The following NMT2 variants were observed in gnomAD, a reference collection of about 807,000 sequenced individuals.
NMT2 encodes the protein N-myristoyltransferase 2, also known as glycylpeptide N-tetradecanoyltransferase 2.
Under a neutral mutation model 65.4 loss-of-function variants are expected in NMT2, and 35 were observed. The ratio of observed to expected loss-of-function variants is 0.54; its 90% CI spans 0.41 to 0.71. The LOEUF is 0.71. Ranked by LOEUF, NMT2 falls within the 30% of genes least tolerant of loss-of-function variation. NMT2 has a pLI of 0.00. For synonymous variants in NMT2, 226 were observed against 231.8 expected (o/e 0.98, Z 0.23); for missense variants, 489 against 611.3 (o/e 0.80, Z 2.11).
intron 8 of NMT2, among the ~76,000 whole-genome samples, chr10:15,124,381 A>G (rs542185088): frequency 3.3e-5 from 5 of 152,232 alleles, no homozygotes; most frequent in Admixed American, 6.5e-5. Flanking sequence ...GAGCAAGTCA[A>G]TCTGTGTTCT....
At chr10:15,131,302 C>T (rs1200093290) in intron 6 of NMT2, among the ~76,000 whole-genome samples, 1 of 150,528 alleles carries the variant, frequency 6.6e-6, no homozygotes, top group African/African-American at 2.4e-5. Context: ...TGGCTCTTTA[C>T]GTTTCTTTCC....
intron 6 of NMT2, among the ~76,000 whole-genome samples, chr10:15,132,558 G>A (rs1038395759): frequency 6.6e-6 from 1 of 152,030 alleles, no homozygotes; most frequent in Non-Finnish European, 1.5e-5. Context: ...CTCCTGAGTA[G>A]GTGGGATTAC....
intron 9 of NMT2, among the ~76,000 whole-genome samples, chr10:15,115,358 GGT>G (rs1424328082): frequency 6.6e-6 from 1 of 152,028 alleles, no homozygotes; most frequent in Non-Finnish European, 1.5e-5. Flanking sequence ...ATAAAAGTAA[GGT>G]GACTCAAAGT....
In NMT2 at chr10:15,129,428, T is replaced by C. The variant is rs577884277; in HGVS notation, c.890+714A>G. ...TCTCACTGGAATAACCTGTGAAAGC[T>C]TGACTAGTGCAGACGAAGTTGTAAA... On this transcript the variant is annotated intron_variant, in intron 7 of 11. Coordinates refer to ENST00000378165, the MANE Select transcript of NMT2 (RefSeq NM_004808.3). Among the ~76,000 whole-genome samples the C allele has an allele frequency of 5.8e-4, 88 of 152,354 alleles. No individual in the cohort carries two copies. In the Middle Eastern group the frequency reaches 0.01, roughly 18 times the overall value.
At chr10:15,121,667 A>C (rs1201794835) in intron 8 of NMT2, among the ~76,000 whole-genome samples, 1 of 152,110 alleles carries the variant, frequency 6.6e-6, no homozygotes, top group East Asian at 1.9e-4. Context: ...ACACTAGGCC[A>C]AGGAAAATAG....
chr10:15,106,348 G>T lies in NMT2; in HGVS notation c.*2847C>A. Reference sequence around the variant, plus strand: ...TGTATAGACTTTGTGGCATGAAAATGAGTGGGAAGTAAAGTCCTAAATTAG... The same window carrying T: ...TGTATAGACTTTGTGGCATGAAAATTAGTGGGAAGTAAAGTCCTAAATTAG... On this transcript the variant is annotated 3_prime_UTR_variant, in exon 12 of 12. Transcript: ENST00000378165. 6.5e-6 allele frequency: 1 copy of T among 153,142 alleles called. No individual in the cohort carries two copies. Among genetic ancestry groups the T allele is most frequent in the South Asian group, 2.0e-4 (1 of 5,118 alleles). The allele number at this position is 153,142 out of a possible 1,614,324, so 9.5% of individuals were successfully genotyped here. A position where few individuals can be genotyped will look rare whatever the true frequency, so the allele number is the denominator to read the frequency against.
At chr10:15,155,916 C>A (rs536020387) in intron 1 of NMT2, among the ~76,000 whole-genome samples, 1 of 141,148 alleles carries the variant, frequency 7.1e-6, no homozygotes, top group East Asian at 2.5e-4. Context: ...GACCTGCAGG[C>A]GGGGACGCTG....
intron 1 of NMT2, among the ~76,000 whole-genome samples, chr10:15,150,494 G>A (rs896006329): frequency 3.9e-5 from 6 of 152,088 alleles, no homozygotes; most frequent in Admixed American, 3.3e-4. Context: ...TCTAAAGTAG[G>A]ATTTCAGCTC....
Position 15,168,667 on chromosome 10 carries a change from G to C in NMT2, c.-55C>G. ...TCGGGGCCGGGCCGGAGCGGCCGCA[G>C]CTCCCTCTAGTGCCTCCCGCCGTAC... is the stretch of plus-strand genomic sequence containing the variant. On this transcript the variant is annotated 5_prime_UTR_variant, in exon 1 of 12. Coordinates refer to ENST00000378165, the MANE Select transcript of NMT2 (RefSeq NM_004808.3). 1 of 1,379,692 alleles carries C rather than the reference G, an allele frequency of 7.2e-7. No individual in the cohort carries two copies. The highest frequency in any genetic ancestry group is 9.9e-7 in the Non-Finnish European group (1 of 1,012,130). The allele number at this position is 1,379,692 out of a possible 1,614,324, so 85.5% of individuals were successfully genotyped here.
At chr10:15,112,204 A>G (rs1353926800) in intron 10 of NMT2, among the ~76,000 whole-genome samples, 3 of 17,954 alleles carry the variant, frequency 1.7e-4, no homozygotes, top group African/African-American at 9.9e-4. Flanking sequence ...ATATATATAT[A>G]TATATATATA....
chr10:15,159,179 T>C (rs1833103129), intron 1 of NMT2, among the ~76,000 whole-genome samples: 1 of 152,202 alleles, frequency 6.6e-6, no homozygotes. Flanking sequence ...ATCCCTTTCT[T>C]GGCCAGAAAC....
At chr10:15,130,594 C>T (rs1846244030) in intron 6 of NMT2, among the ~76,000 whole-genome samples, 1 of 149,106 alleles carries the variant, frequency 6.7e-6, no homozygotes, top group Non-Finnish European at 1.5e-5. Context: ...GTCCCAGCTA[C>T]TTGGGAGGCT....
chr10:15,148,097 G>A (rs1847026396), intron 1 of NMT2, among the ~76,000 whole-genome samples: 1 of 152,212 alleles, frequency 6.6e-6, no homozygotes, highest in Non-Finnish European at 1.5e-5. Context: ...ATTAAGTAGA[G>A]TTTGACTACC....
chr10:15,159,712 G>C (rs1024891752), intron 1 of NMT2, among the ~76,000 whole-genome samples: 2 of 152,194 alleles, frequency 1.3e-5, no homozygotes, highest in Non-Finnish European at 2.9e-5. Context: ...ACAGGCGTGA[G>C]CCACTGCGCC....
At chr10:15,162,016 A>G (rs1366387778) in intron 1 of NMT2, among the ~76,000 whole-genome samples, 1 of 152,084 alleles carries the variant, frequency 6.6e-6, no homozygotes, top group Non-Finnish European at 1.5e-5. Flanking sequence ...ACTTTGGGAG[A>G]CGGAGGTGGG....
At chr10:15,136,326 GAGAC>G (rs540458936) in intron 2 of NMT2, among the ~76,000 whole-genome samples, 10 of 147,738 alleles carry the variant, frequency 6.8e-5, no homozygotes, top group African/African-American at 1.3e-4. Context: ...GAAAGGGAGA[GAGAC>G]AGAGAGAAAG....
At chr10:15,151,294 T>A (rs1006773635) in intron 1 of NMT2, among the ~76,000 whole-genome samples, 2 of 152,160 alleles carry the variant, frequency 1.3e-5, no homozygotes, top group African/African-American at 4.8e-5. Context: ...CGACCTCAGG[T>A]CATCTGCCCG....
At chr10:15,141,399 A>G in intron 2 of NMT2, 23 bp downstream of exon 2, 5 of 1,613,124 alleles carry the variant, frequency 3.1e-6, no homozygotes, top group Non-Finnish European at 8.5e-7. Flanking sequence ...CACACAGAGG[A>G]AAAAATAAAA....
intron 1 of NMT2, among the ~76,000 whole-genome samples, chr10:15,163,253 T>A (rs1017270595): frequency 6.6e-6 from 1 of 152,228 alleles, no homozygotes; most frequent in Non-Finnish European, 1.5e-5. Context: ...TAAAACGTCA[T>A]TAACATGTTT....
Sources: gnomAD v4.1 joint callset for allele counts (sites outside exome capture counted in the v4.1 genomes callset) on GRCh38, gnomAD v4.1.1 for gene constraint, MANE v1.5 for transcripts, NCBI Gene and HGNC (gene_info 2026-07-23, HGNC 2026-07-21) for gene names.